The following BACH2 variants were observed in gnomAD, a reference collection of about 807,000 sequenced individuals.
BACH2 encodes the protein BACH transcriptional regulator 2, also known as transcription regulator protein BACH2.
A neutral mutation model predicts 61.8 loss-of-function variants in BACH2; 5 were observed. The ratio of observed to expected loss-of-function variants is 0.08; its 90% CI spans 0.04 to 0.17. The LOEUF (loss-of-function observed/expected upper bound fraction) is 0.17. Among genes scored for constraint, BACH2 ranks in the 10% least tolerant of loss-of-function variants. The pLI, the probability that BACH2 is intolerant of heterozygous loss-of-function variation, is 1.00. For missense variants in BACH2, 824 were observed against 1,091.1 expected (o/e 0.76, Z 3.45); for synonymous variants, 446 against 440.1 (o/e 1.01, Z -0.17).
chr6:90,239,574 T>C (rs1262458687), intron 3 of BACH2, among the ~76,000 whole-genome samples: 2 of 152,246 alleles, frequency 1.3e-5, no homozygotes, highest in Admixed American at 6.5e-5. Context: ...TATTTATGTA[T>C]GCATGTACAT....
intron 6 of BACH2, among the ~76,000 whole-genome samples, chr6:89,995,870 A>G (rs1011652388): frequency 1.3e-5 from 2 of 152,210 alleles, no homozygotes; most frequent in African/African-American, 4.8e-5. Context: ...GAGCAACTCT[A>G]TATGTATTCC....
intron 2 of BACH2, among the ~76,000 whole-genome samples, chr6:90,256,630 A>T (rs1378991216): frequency 6.6e-6 from 1 of 152,196 alleles, no homozygotes; most frequent in African/African-American, 2.4e-5. Context: ...TATTTTGAAA[A>T]ATAATTTTTA....
In BACH2 at chr6:90,230,865, T is replaced by C. The variant is rs79124294; in HGVS notation, c.-275+21648A>G. 8.6e-3 allele frequency among the ~76,000 whole-genome samples: 1,316 copies of C among 152,286 alleles called. 21 individuals are homozygous for C. Among genetic ancestry groups the C allele is most frequent in the African/African-American group, 0.03 (1,258 of 41,562 alleles). ...TGAGTGGCAGAACTGGGATCAGACT[T>C]AGGAACAGAGCTCTTTAGTTTCCAG... On this transcript the variant is annotated intron_variant, in intron 3 of 8. Transcript: ENST00000257749.
chr6:90,195,412 T>C (rs1163520951), intron 4 of BACH2, among the ~76,000 whole-genome samples: 1 of 152,228 alleles, frequency 6.6e-6, no homozygotes, highest in Non-Finnish European at 1.5e-5. Context: ...GTTCCTTGAT[T>C]ACAGGGCAGT....
intron 4 of BACH2, among the ~76,000 whole-genome samples, chr6:90,107,953 C>A (rs907583280): frequency 1.3e-5 from 2 of 152,100 alleles, no homozygotes; most frequent in African/African-American, 4.8e-5. Flanking sequence ...TGTGTCAAAT[C>A]CTGCTTGGTA....
intron 2 of BACH2, 45 bp downstream of exon 2, chr6:90,271,804 G>T (rs1191630969): frequency 6.6e-6 from 1 of 152,364 alleles, no homozygotes; most frequent in Admixed American, 6.5e-5. Context: ...TAAGCTAGCT[G>T]TGTAAACTTA....
chr6:90,230,956 CTGT>C (rs1770077057), intron 3 of BACH2, among the ~76,000 whole-genome samples: 1 of 152,090 alleles, frequency 6.6e-6, no homozygotes, highest in South Asian at 2.1e-4. Context: ...GTGGAAGATG[CTGT>C]CCTTGTGGTC....
intron 6 of BACH2, among the ~76,000 whole-genome samples, chr6:89,959,588 T>G (rs879344253): frequency 2.0e-5 from 3 of 152,214 alleles, no homozygotes; most frequent in Non-Finnish European, 4.4e-5. Context: ...ACCAAAACTA[T>G]TATCACTCTC....
chr6:90,028,818 C>CTGCAAG (rs1400407196), intron 5 of BACH2, among the ~76,000 whole-genome samples: 1 of 152,232 alleles, frequency 6.6e-6, no homozygotes. Flanking sequence ...CATTCACTAG[C>CTGCAAG]TGCAAAACCT....
chr6:90,050,223 G>A (rs1779976315), intron 5 of BACH2, among the ~76,000 whole-genome samples: 3 of 152,124 alleles, frequency 2.0e-5, no homozygotes, highest in Admixed American at 1.3e-4. Context: ...AAAGCAACAT[G>A]TTCCAATCAT....
chr6:90,051,925 T>C (rs1183059980), intron 5 of BACH2, among the ~76,000 whole-genome samples: 1 of 152,212 alleles, frequency 6.6e-6, no homozygotes, highest in Non-Finnish European at 1.5e-5. Context: ...TTTTAAATTT[T>C]CCATTATTAC....
chr6:90,226,160 C>T (rs192067713), intron 3 of BACH2, among the ~76,000 whole-genome samples: 234 of 152,236 alleles, frequency 1.5e-3, no homozygotes, highest in African/African-American at 5.3e-3. Flanking sequence ...GCCAGGAGGA[C>T]GGACGGTGGT....
chr6:90,225,649 G>A (rs1769888438), intron 3 of BACH2, among the ~76,000 whole-genome samples: 1 of 152,116 alleles, frequency 6.6e-6, no homozygotes, highest in South Asian at 2.1e-4. Flanking sequence ...AGGATAAATA[G>A]CTAATGCATT....
chr6:90,006,330 C>T (rs1401684279), intron 6 of BACH2, among the ~76,000 whole-genome samples: 1 of 152,152 alleles, frequency 6.6e-6, no homozygotes, highest in African/African-American at 2.4e-5. Context: ...GGCAGGACAG[C>T]TAGTTAAGTA....
At chr6:90,173,216 T>G (rs1390351941) in intron 4 of BACH2, among the ~76,000 whole-genome samples, 1 of 151,792 alleles carries the variant, frequency 6.6e-6, no homozygotes, top group Non-Finnish European at 1.5e-5. Flanking sequence ...ATGGTCAAAA[T>G]GAATATAAAT....
At chr6:90,131,817 G>A (rs1303241700) in intron 4 of BACH2, among the ~76,000 whole-genome samples, 2 of 152,214 alleles carry the variant, frequency 1.3e-5, no homozygotes, top group African/African-American at 4.8e-5. Flanking sequence ...AGCTGCCACG[G>A]CAAAGAGAAT....
intron 2 of BACH2, among the ~76,000 whole-genome samples, chr6:90,257,513 T>C (rs1771016851): frequency 6.6e-6 from 1 of 152,216 alleles, no homozygotes; most frequent in Non-Finnish European, 1.5e-5. Context: ...TCTTTGTGTC[T>C]TCTTTAGAAA....
At chr6:89,946,331 T>C (rs1282225709) in intron 7 of BACH2, among the ~76,000 whole-genome samples, 4 of 152,182 alleles carry the variant, frequency 2.6e-5, no homozygotes, top group African/African-American at 9.7e-5. Flanking sequence ...TGACAACTAG[T>C]ATGGGCAAGA....
intron 2 of BACH2, among the ~76,000 whole-genome samples, chr6:90,270,494 T>C (rs558594917): frequency 6.6e-6 from 1 of 152,004 alleles, no homozygotes; most frequent in Non-Finnish European, 1.5e-5. Flanking sequence ...AATAAACAAA[T>C]AAAATACTTA....
Sources: gnomAD v4.1 joint callset for allele counts (sites outside exome capture counted in the v4.1 genomes callset) on GRCh38, gnomAD v4.1.1 for gene constraint, MANE v1.5 for transcripts, NCBI Gene and HGNC (gene_info 2026-07-23, HGNC 2026-07-21) for gene names.